The following ABCB11 variants were observed in gnomAD, a reference collection of about 807,000 sequenced individuals.
ABCB11 encodes the protein ATP binding cassette subfamily B member 11.
In ABCB11, 95 loss-of-function variants were observed where a neutral mutation model predicts 148.0. That is an observed-to-expected ratio of 0.64 (90% confidence interval 0.54 to 0.76). The LOEUF is 0.76. Ranked by LOEUF, ABCB11 falls within the 30% of genes least tolerant of loss-of-function variation. The probability of loss-of-function intolerance (pLI) is 0.00; values close to 1 mark genes in which losing one functional copy is unlikely to be tolerated. For missense variants in ABCB11, 1,523 were observed against 1,617.8 expected, an observed-to-expected ratio of 0.94 and a Z score of 1.01; for synonymous variants, 591 against 555.4, an observed-to-expected ratio of 1.06 and a Z score of -0.90.
chr2:168,929,406 A>C (rs1409366813), intron 25 of ABCB11, among the ~76,000 whole-genome samples: 2 of 152,182 alleles, frequency 1.3e-5, no homozygotes, highest in Non-Finnish European at 2.9e-5. Context: ...AGAATGCAAG[A>C]AAAAAAGAAA....
chr2:169,014,234 C>G, intron 4 of ABCB11, 69 bp downstream of exon 4: 455 of 1,167,018 alleles, frequency 3.9e-4, no homozygotes, highest in Non-Finnish European at 5.3e-4. Context: ...AAAGATTTAA[C>G]ACTCCCCTCA....
chr2:169,007,362 G>A (rs149836012), intron 5 of ABCB11, among the ~76,000 whole-genome samples: 1 of 152,164 alleles, frequency 6.6e-6, no homozygotes, highest in Non-Finnish European at 1.5e-5. Flanking sequence ...GTGGATCGTA[G>A]ACTAACCGTG....
At chr2:168,917,883 CATGTGCTGTAAATGTAA>C (rs546893761), downstream of ABCB11, among the ~76,000 whole-genome samples, 4 of 152,290 alleles carry the variant, frequency 2.6e-5, no homozygotes, top group South Asian at 8.3e-4. Context: ...TTTGAGCTAA[CATGTGCTGTAAATGTAA>C]ATGCACCTCA....
At chr2:168,976,089 C>T (rs561664192) in intron 12 of ABCB11, among the ~76,000 whole-genome samples, 1 of 152,140 alleles carries the variant, frequency 6.6e-6, no homozygotes, top group East Asian at 1.9e-4. Flanking sequence ...ACAAGGATAC[C>T]TTCCTATAAG....
intron 5 of ABCB11, among the ~76,000 whole-genome samples, chr2:169,008,426 C>T (rs998504023): frequency 6.6e-6 from 1 of 152,186 alleles, no homozygotes; most frequent in Non-Finnish European, 1.5e-5. Flanking sequence ...CTGCCTTCTT[C>T]TTAGCAACCA....
chr2:168,969,897 T>C, intron 15 of ABCB11, 148 bp downstream of exon 15: 1 of 791,646 alleles, frequency 1.3e-6, no homozygotes, highest in Admixed American at 2.5e-5. Context: ...TGTAGTCAGC[T>C]AATATTTTCT....
intron 18 of ABCB11, among the ~76,000 whole-genome samples, chr2:168,959,950 A>C (rs1440304091): frequency 2.6e-5 from 4 of 151,296 alleles, no homozygotes; most frequent in Non-Finnish European, 5.9e-5. Context: ...AAAAAAAAAA[A>C]AAAAAAAAAC....
chr2:168,932,067 T>G (rs1691591316), intron 24 of ABCB11, among the ~76,000 whole-genome samples: 1 of 152,122 alleles, frequency 6.6e-6, no homozygotes, highest in South Asian at 2.1e-4. Context: ...GCAGGCTTGT[T>G]ATATAGGTAT....
At chr2:168,932,775 T>C (rs1691636304) in intron 23 of ABCB11, among the ~76,000 whole-genome samples, 1 of 152,014 alleles carries the variant, frequency 6.6e-6, no homozygotes, top group African/African-American at 2.4e-5. Context: ...GGGGGAGAGC[T>C]CAGACCTCCA....
In ABCB11 at chr2:168,927,353, C is replaced by T. The variant is rs761682020; in HGVS notation, c.3421G>A (p.Gly1141Ser). 2 of 1,613,396 alleles carry T rather than the reference C, an allele frequency of 1.2e-6. No individual in the cohort carries two copies. The highest frequency in any genetic ancestry group is 2.2e-5 in the South Asian group (2 of 91,042). Residue 1141 changes from glycine to serine, a missense_variant, in exon 26 of 28, where the codon GGT becomes AGT. Coordinates refer to ENST00000650372, the MANE Select transcript of ABCB11 (RefSeq NM_003742.4). ...ACATTTACTTTTTTGCTGTCATGAC[C>T]ATCTATCATCTGCCAATAGAGGAGA... ...DPDQGKVMID[G>S]HDSKKVNVQF...
At chr2:168,979,825 C>A (rs1694073193) in intron 11 of ABCB11, 41 bp downstream of exon 11, 1 of 1,255,884 alleles carries the variant, frequency 8.0e-7, no homozygotes, top group East Asian at 2.4e-5. Flanking sequence ...CACCCCCCAG[C>A]CCCCACCTGT....
At chr2:168,917,106 G>A (rs1247200758), downstream of ABCB11, among the ~76,000 whole-genome samples, 1 of 152,030 alleles carries the variant, frequency 6.6e-6, no homozygotes, top group African/African-American at 2.4e-5. Flanking sequence ...AGGCACGGGG[G>A]CAGCACCAAA....
At position 168,929,602 on chromosome 2, in the gene ABCB11, T is replaced by G. The variant is rs1171486438; in HGVS notation, c.3411+1063A>C. On this transcript the variant is annotated intron_variant, in intron 25 of 27. Transcript: ENST00000650372. ...ATGTGCTCTGAATTCTTGATAAAAG[T>G]GCAGTTAGAACTTAAGAGGTAAAAG... 7.2e-5 allele frequency among the ~76,000 whole-genome samples: 11 copies of G among 152,254 alleles called. No homozygotes were observed. In the South Asian group the frequency reaches 1.5e-3, roughly 20 times the overall value.
chr2:168,970,302 T>C, intron 14 of ABCB11, 87 bp from the exon 15 acceptor site: 1 of 1,550,680 alleles, frequency 6.4e-7, no homozygotes, highest in South Asian at 1.2e-5. Flanking sequence ...TCTGTCATAG[T>C]TTTCTTCTCA....
rs980599728 is a variant in ABCB11, at chr2:168,970,115, A to G, written c.1739T>C (p.Leu580Pro). The change falls in exon 15 of 28, where the codon CTG becomes CCG. Residue 580 changes from leucine to proline, a missense_variant. Physicochemically the swap from Leu to Pro is moderately conservative, Grantham distance 98 (BLOSUM62 -3). Transcript: ENST00000650372. ...ARALIRNPKI[L>P]LLDMATSALD... ...AGCTGAGGTGGCCATGTCCAAAAGC[A>G]GAATCTTGGGATTTCGGATGAGGGC... 2 of 1,613,066 alleles carry G rather than the reference A, an allele frequency of 1.2e-6. No individual in the cohort carries two copies. Among genetic ancestry groups the G allele is most frequent in the Non-Finnish European group, 8.5e-7 (1 of 1,179,320 alleles).
rs1573950836 is a variant in ABCB11, at chr2:168,992,225, A to G, written c.784-1300T>C. ...GTGCAGACCTACAACATTCCAAATCAGTGACGAGTTTATGAGAAGCTAGAA... is the reference window on the plus strand; with the variant it reads ...GTGCAGACCTACAACATTCCAAATCGGTGACGAGTTTATGAGAAGCTAGAA... On this transcript the variant is annotated intron_variant, in intron 8 of 27. Coordinates refer to ENST00000650372, the MANE Select transcript of ABCB11 (RefSeq NM_003742.4). 2.6e-5 allele frequency among the ~76,000 whole-genome samples: 4 copies of G among 152,158 alleles called. No homozygotes were observed. In the East Asian group the frequency reaches 7.8e-4, roughly 30 times the overall value.
At chr2:168,970,307 T>C (rs1410055434) in intron 14 of ABCB11, 92 bp from the exon 15 acceptor site, 1 of 1,548,382 alleles carries the variant, frequency 6.5e-7, no homozygotes, top group African/African-American at 1.4e-5. Flanking sequence ...CATAGTTTTC[T>C]TCTCAAGCAC....
rs1574394388 is a variant in ABCB11, at chr2:168,927,324, C to A, written c.3450G>T (p.Gln1150His). The A allele has an allele frequency of 1.2e-6, 2 of 1,613,908 alleles. No individual in the cohort carries two copies. Among genetic ancestry groups the A allele is most frequent in the Non-Finnish European group, 1.7e-6 (2 of 1,179,798 alleles). Residue 1150 changes from glutamine (Q) to histidine (H), a missense_variant, in exon 26 of 28, where the codon CAG becomes CAT. Coordinates refer to ENST00000650372, the MANE Select transcript of ABCB11 (RefSeq NM_003742.4). ...CAATTCCAATGTTTGAGCGGAGGAA[C>A]TGGACATTTACTTTTTTGCTGTCAT... ...DGHDSKKVNVQFLRSNIGIVS... is the reference protein window; with the variant it reads ...DGHDSKKVNVHFLRSNIGIVS...
At position 168,923,650 on chromosome 2, in the gene ABCB11, A is replaced by G. The variant is rs1472938678; in HGVS notation, c.3938T>C (p.Leu1313Pro). The G allele has an allele frequency of 1.2e-6, 2 of 1,613,638 alleles. No individual in the cohort carries two copies. The highest frequency in any genetic ancestry group is 1.7e-6 in the Non-Finnish European group (2 of 1,179,826). The change falls in exon 28 of 28, where the codon CTA becomes CCA. Residue 1313 changes from leucine (L) to proline (P), a missense_variant. Physicochemically the swap from Leu to Pro is moderately conservative, Grantham distance 98 (BLOSUM62 -3). Coordinates refer to ENST00000650372, the MANE Select transcript of ABCB11 (RefSeq NM_003742.4). ...ACTGATGGGGGATCCAGTGGTGACT[A>G]GTTTGTAGTAGGCTCCTTTTTGGGC... is the stretch of plus-strand genomic sequence containing the variant. ...LMAQKGAYYKLVTTGSPIS is the reference protein window; with the variant it reads ...LMAQKGAYYKPVTTGSPIS
Sources: gnomAD v4.1 joint callset for allele counts (sites outside exome capture counted in the v4.1 genomes callset) on GRCh38, gnomAD v4.1.1 for gene constraint, MANE v1.5 for transcripts, NCBI Gene and HGNC (gene_info 2026-07-23, HGNC 2026-07-21) for gene names.